RNF111: variants seen among roughly 807,000 people sequenced by gnomAD.
RNF111 encodes E3 ubiquitin-protein ligase Arkadia.
In RNF111, 17 loss-of-function variants were observed where a neutral mutation model predicts 95.1. The observed-to-expected ratio is 0.18, with a 90% CI of 0.12 to 0.27. RNF111 has a LOEUF of 0.27. Ranked by LOEUF, RNF111 falls within the 10% of genes least tolerant of loss-of-function variation. The pLI, the probability that RNF111 is intolerant of heterozygous loss-of-function variation, is 1.00. For missense variants in RNF111, 1,189 were observed against 1,210.4 expected (o/e 0.98, Z 0.26); for synonymous variants, 440 against 414.8 (o/e 1.06, Z -0.74).
At chr15:59,028,216 A>G (rs763640290) in intron 1 of RNF111, among the ~76,000 whole-genome samples, 1 of 152,146 alleles carries the variant, frequency 6.6e-6, no homozygotes, top group South Asian at 2.1e-4. Context: ...TATTCCAGAC[A>G]TTCCATATAA....
chr15:59,082,037 C>A (rs768446057), intron 8 of RNF111, among the ~76,000 whole-genome samples: 1 of 152,154 alleles, frequency 6.6e-6, no homozygotes, highest in Non-Finnish European at 1.5e-5. Context: ...ATGATCATGC[C>A]ACTGCACTGC....
Position 59,046,276 on chromosome 15 carries a change from C to T in RNF111, c.881-6029C>T, listed in dbSNP as rs138026161. 4.6e-3 allele frequency among the ~76,000 whole-genome samples: 699 copies of T among 152,048 alleles called. 8 individuals are homozygous for T. The highest frequency in any genetic ancestry group is 4.1e-3 in the Non-Finnish European group (277 of 67,988). On this transcript the variant is annotated intron_variant, in intron 2 of 13. Coordinates refer to ENST00000348370, the MANE Select transcript of RNF111 (RefSeq NM_017610.8). ...TGGCGCCATCAGGGGTCCCTGCAGC[C>T]TCAGCCTCCAGGGCTAAGGTGATCC... is the stretch of plus-strand genomic sequence containing the variant.
intron 1 of RNF111, among the ~76,000 whole-genome samples, chr15:58,995,522 G>A (rs758742426): frequency 7.9e-5 from 12 of 151,026 alleles, no homozygotes; most frequent in African/African-American, 2.9e-4. Flanking sequence ...GCAGTGGCGC[G>A]ATCTTGGCTC....
chr15:59,060,298 T>G (rs2042377469), intron 5 of RNF111, among the ~76,000 whole-genome samples: 1 of 152,014 alleles, frequency 6.6e-6, no homozygotes, highest in Non-Finnish European at 1.5e-5. Context: ...TTGTATATAT[T>G]TTAATTCTTA....
rs183008315 is a variant in RNF111 at position 59,094,510 on chromosome 15, C to G, written c.2844-273C>G. Among the ~76,000 whole-genome samples the G allele has an allele frequency of 4.6e-5, 7 of 152,168 alleles. No homozygotes were observed. The East Asian group carries it at 1.3e-3, about 29-fold the overall frequency. On this transcript the variant is annotated intron_variant, in intron 13 of 13. Transcript: ENST00000348370. ...CTCCAGGGCATTGGCAGCTCCTGTA[C>G]CAAAACAAAACTGGAATAATTGGCA... is the stretch of plus-strand genomic sequence containing the variant.
At chr15:58,990,614 A>G (rs1255816041) in intron 1 of RNF111, among the ~76,000 whole-genome samples, 14 of 152,216 alleles carry the variant, frequency 9.2e-5, no homozygotes, top group African/African-American at 3.4e-4. Flanking sequence ...CGTGCCACTC[A>G]CTGCACTCCA....
rs2078833362 is a variant in RNF111 at position 59,084,274 on chromosome 15, TC to T, written c.2423+21del. ...TGCCTGGTCAGTATCTTCTTTAATT[TC>T]AAAACAGTGCTTCACAGCTTGTGGT... On this transcript the variant is annotated intron_variant, in intron 9 of 13. Transcript: ENST00000348370. The T allele has an allele frequency of 1.3e-6, 2 of 1,561,824 alleles. No homozygotes were observed. The highest frequency in any genetic ancestry group is 1.4e-5 in the African/African-American group (1 of 72,746).
rs1389661265 is a variant in RNF111 at position 59,095,626 on chromosome 15, A to G, written c.*726A>G. 1 of 166,596 alleles carries G rather than the reference A, an allele frequency of 6.0e-6. No homozygotes were observed. The highest frequency in any genetic ancestry group is 1.3e-5 in the Non-Finnish European group (1 of 77,800). The allele number at this position is 166,596 out of a possible 1,614,324, so 10.3% of individuals were successfully genotyped here. On this transcript the variant is annotated 3_prime_UTR_variant, in exon 14 of 14. Coordinates refer to ENST00000348370, the MANE Select transcript of RNF111 (RefSeq NM_017610.8). ...CTGATTGCATTTATCTTTTTCCTAC[A>G]TCATTTAGAATTTTATTTCCCTGAT...
At chr15:59,068,050 A>G (rs2042742962) in intron 6 of RNF111, among the ~76,000 whole-genome samples, 1 of 152,194 alleles carries the variant, frequency 6.6e-6, no homozygotes, top group Admixed American at 6.5e-5. Context: ...GTTCCATGCT[A>G]CTTTAACTTT....
chr15:58,991,440 T>C (rs1479948249), intron 1 of RNF111, among the ~76,000 whole-genome samples: 1 of 152,218 alleles, frequency 6.6e-6, no homozygotes, highest in South Asian at 2.1e-4. Flanking sequence ...TCTGCCTTCA[T>C]GGAGCTGACA....
At chr15:59,054,910 T>A (rs1488470193) in intron 3 of RNF111, among the ~76,000 whole-genome samples, 2 of 152,254 alleles carry the variant, frequency 1.3e-5, no homozygotes, top group Admixed American at 6.5e-5. Context: ...CTAAAAGATT[T>A]ATTTTTTTAT....
chr15:59,042,116 T>C (rs1487938550), intron 2 of RNF111, among the ~76,000 whole-genome samples: 2 of 151,796 alleles, frequency 1.3e-5, no homozygotes, highest in Non-Finnish European at 2.9e-5. Flanking sequence ...TTACATACTT[T>C]TATGCCAAAT....
At chr15:59,039,287 T>C (rs966620090) in intron 2 of RNF111, among the ~76,000 whole-genome samples, 2 of 152,146 alleles carry the variant, frequency 1.3e-5, no homozygotes, top group Non-Finnish European at 2.9e-5. Context: ...TCTATCATTT[T>C]GCTTAGGTTT....
intron 1 of RNF111, among the ~76,000 whole-genome samples, chr15:59,003,842 T>G (rs1244758074): frequency 1.3e-5 from 2 of 152,232 alleles, no homozygotes; most frequent in African/African-American, 4.8e-5. Context: ...CCTAGCTCAT[T>G]ATAGGCTTTC....
intron 3 of RNF111, among the ~76,000 whole-genome samples, chr15:59,053,967 C>T (rs140218660): frequency 4.5e-4 from 69 of 152,092 alleles, no homozygotes; most frequent in Middle Eastern, 3.4e-3. Context: ...ACAGAGTCTC[C>T]CTCTGTCACC....
At chr15:59,082,941 G>A (rs1331652200) in intron 8 of RNF111, among the ~76,000 whole-genome samples, 1 of 152,162 alleles carries the variant, frequency 6.6e-6, no homozygotes, top group Non-Finnish European at 1.5e-5. Flanking sequence ...GAATAAACAT[G>A]CAAAATCTGC....
chr15:59,051,771 C>CAATAAATA lies in RNF111; in HGVS notation c.881-506_881-499dup, dbSNP rs56358103. On this transcript the variant is annotated intron_variant, in intron 2 of 13. Transcript: ENST00000348370. ...TGGGCAACAGAGTGAGAAACTGTCT[C>CAATAAATA]AATAAATAAATAAATAAATAAATAA... Among the ~76,000 whole-genome samples, 200 of 149,908 alleles carry CAATAAATA rather than the reference C, an allele frequency of 1.3e-3. 2 individuals are homozygous for CAATAAATA. Among genetic ancestry groups the CAATAAATA allele is most frequent in the Admixed American group, 4.0e-3 (61 of 15,088 alleles).
Position 59,055,718 on chromosome 15 carries a change from G to T in RNF111, c.1044G>T (p.Trp348Cys), listed in dbSNP as rs1283190292. 3 of 1,613,882 alleles carry T rather than the reference G, an allele frequency of 1.9e-6. No homozygotes were observed. The highest frequency in any genetic ancestry group is 2.5e-6 in the Non-Finnish European group (3 of 1,179,912). The change falls in exon 4 of 14, where the codon TGG becomes TGT. Residue 348 changes from tryptophan to cysteine, a missense_variant. Around this residue, in one of 2 missense-constraint regions of RNF111, gnomAD observed 1,024 missense variants for 925.9 expected, o/e 1.11. Coordinates refer to ENST00000348370, the MANE Select transcript of RNF111 (RefSeq NM_017610.8). ...CCCTTGGACACTCCAGATCTCATTG[G>T]AGCCAGGGTTCCAGTTCTCATGCAA... Reference protein sequence around the residue: ...RSTLGHSRSHWSQGSSSHASR... With the variant: ...RSTLGHSRSHCSQGSSSHASR...
chr15:59,058,129 A>G (rs2042274215), intron 4 of RNF111, among the ~76,000 whole-genome samples: 1 of 152,236 alleles, frequency 6.6e-6, no homozygotes, highest in African/African-American at 2.4e-5. Flanking sequence ...TTATTGGAAT[A>G]AGCATATCGG....
Sources: gnomAD v4.1 joint callset for allele counts (sites outside exome capture counted in the v4.1 genomes callset) on GRCh38, gnomAD v4.1.1 for gene constraint, gnomAD v4.1.1 regional missense constraint, MANE v1.5 for transcripts, NCBI Gene and HGNC (gene_info 2026-07-23, HGNC 2026-07-21) for gene names.